MYO1H: variants seen among roughly 807,000 people sequenced by gnomAD.
MYO1H encodes the protein unconventional myosin-Ih.
A neutral mutation model predicts 149.3 loss-of-function variants in MYO1H; 118 were observed. That is an observed-to-expected ratio of 0.79 (90% CI 0.68 to 0.92). MYO1H has a LOEUF of 0.92. Ranked by LOEUF, MYO1H falls within the 40% of genes least tolerant of loss-of-function variation. The pLI is 0.00. For synonymous variants in MYO1H, 447 were observed against 465.2 expected (o/e 0.96, Z 0.50); for missense variants, 1,212 against 1,280.7 (o/e 0.95, Z 0.82).
chr12:109,424,990 G>GCACTTTGGGAGCCTCACATCTGA (rs1871304693), intron 17 of MYO1H, among the ~76,000 whole-genome samples, 162 bp downstream of exon 17: 1 of 151,952 alleles, frequency 6.6e-6, no homozygotes, highest in East Asian at 1.9e-4. Context: ...TGTAATCCCA[G>GCACTTTGGGAGCCTCACATCTGA]CACTTTGGGA....
At chr12:109,362,734 A>G (rs990342037) in intron 1 of MYO1H, among the ~76,000 whole-genome samples, 19 of 152,192 alleles carry the variant, frequency 1.2e-4, no homozygotes, top group Non-Finnish European at 5.9e-5. Context: ...TCTTGTATGT[A>G]TACTAATACA....
chr12:109,389,473 A>G (rs1174985963), intron 2 of MYO1H, among the ~76,000 whole-genome samples: 1 of 152,166 alleles, frequency 6.6e-6, no homozygotes, highest in Admixed American at 6.5e-5. Context: ...AGGGTTCCCC[A>G]AAGGACTCTG....
intron 1 of MYO1H, among the ~76,000 whole-genome samples, chr12:109,362,063 G>A (rs191680755): frequency 6.7e-6 from 1 of 149,968 alleles, no homozygotes; most frequent in African/African-American, 2.4e-5. Context: ...ATTGCCTTCT[G>A]TTTAAGTTTG....
Position 109,427,899 on chromosome 12 carries a change from A to ATATATATATATAT in MYO1H, c.1949+313_1949+314insTATATATATATAT, listed in dbSNP as rs1566038875. Among the ~76,000 whole-genome samples the ATATATATATATAT allele has an allele frequency of 5.1e-4, 26 of 51,416 alleles. 2 individuals carry two copies. Among genetic ancestry groups the ATATATATATATAT allele is most frequent in the African/African-American group, 1.9e-3 (25 of 13,194 alleles). The allele number at this position is 51,416 out of a possible 152,430, so 33.7% of individuals were successfully genotyped here. ...ATCTCTACAAAAAAAAAAAAAAAAA[A>ATATATATATATAT]AAAAAAAAAAATATATATATATATA... On this transcript the variant is annotated intron_variant, in intron 19 of 31. Coordinates refer to ENST00000310903, the Ensembl canonical transcript of MYO1H.
At chr12:109,435,439 TGCG>T in intron 21 of MYO1H, among the ~76,000 whole-genome samples, 1 of 152,242 alleles carries the variant, frequency 6.6e-6, no homozygotes, top group East Asian at 1.9e-4. Context: ...TTCACTTGTC[TGCG>T]TGTCTGATGT....
At chr12:109,390,096 C>T (rs1021579600) in intron 2 of MYO1H, among the ~76,000 whole-genome samples, 4 of 152,126 alleles carry the variant, frequency 2.6e-5, no homozygotes, top group African/African-American at 7.2e-5. Flanking sequence ...TGTCTTCCAC[C>T]CTGAATTTCT....
chr12:109,396,396 C>T lies in MYO1H; in HGVS notation c.303C>T (p.Ala101=), dbSNP rs377738900. Residue 101 remains alanine, a synonymous_variant, in exon 4 of 32, where the codon GCC becomes GCT. Coordinates refer to ENST00000310903, the Ensembl canonical transcript of MYO1H. ...ACTCCTCCTCCAGCTACGCTATAGC[C>T]GACAACGCTTACCGAATGATGTGTG... 9.9e-6 allele frequency: 16 copies of T among 1,609,568 alleles called. No homozygotes were observed. The East Asian group carries it at 1.6e-4, about 16-fold the overall frequency.
intron 12 of MYO1H, 107 bp downstream of exon 12, chr12:109,410,175 T>A: frequency 1.8e-6 from 1 of 552,598 alleles, no homozygotes; most frequent in Admixed American, 4.1e-5. Context: ...AAGATCTCAC[T>A]CTGTCGCCCA....
chr12:109,403,906 A>G, intron 6 of MYO1H, 76 bp from the exon 7 acceptor site: 1 of 971,714 alleles, frequency 1.0e-6, no homozygotes, highest in South Asian at 1.4e-5. Context: ...TAGCTTTTGC[A>G]TCTTCAGAGA....
intron 25 of MYO1H, 53 bp downstream of exon 25, chr12:109,440,880 G>A: frequency 1.6e-6 from 2 of 1,285,438 alleles, no homozygotes; most frequent in South Asian, 2.6e-5. Context: ...GTAAGAGTGG[G>A]TCCTGAGTGT....
upstream of MYO1H, among the ~76,000 whole-genome samples, chr12:109,344,557 C>T (rs2048096528): frequency 6.6e-6 from 1 of 152,180 alleles, no homozygotes; most frequent in Admixed American, 6.5e-5. Context: ...TGTCAATACT[C>T]CCCAAATTGA....
At position 109,427,559 on chromosome 12, in the gene MYO1H, G is replaced by A. The variant is rs377127092; in HGVS notation, c.1922G>A (p.Arg641Gln). The change falls in exon 19 of 32, where the codon CGA (arginine) becomes CAA (glutamine). Residue 641 changes from arginine to glutamine, a missense_variant. Transcript: ENST00000310903. ...GTGAGACGGGCTGGTTTTGCATACC[G>A]AAGGAAATACGAGCATTTCTTGCAA... 25 of 1,612,180 alleles carry A rather than the reference G, an allele frequency of 1.6e-5. No individual in the cohort carries two copies. The African/African-American group carries it at 2.1e-4, about 14-fold the overall frequency.
intron 14 of MYO1H, among the ~76,000 whole-genome samples, chr12:109,412,980 G>GTTGTTGTTGTTGTTA (rs1555253016): frequency 2.1e-5 from 3 of 144,592 alleles, no homozygotes; most frequent in African/African-American, 8.5e-5. Context: ...TGTTGTTGTT[G>GTTGTTGTTGTTGTTA]TTATTATTAT....
chr12:109,444,133 C>T (rs1872371714), intron 28 of MYO1H, 80 bp from the exon 29 acceptor site: 1 of 1,059,444 alleles, frequency 9.4e-7, no homozygotes, highest in African/African-American at 1.6e-5. Context: ...TGTTGGGCAG[C>T]CCCTGGGCGT....
rs779265462 is a variant in MYO1H at position 109,441,688 on chromosome 12, C to G, written c.2612C>G (p.Pro871Arg). ...GGCTACACAGAAAGTTTAAATCAAC[C>G]CTTTGTCAACAGTCGGATAGGTAAG... Residue 871 changes from proline to arginine, a missense_variant, in exon 26 of 32, where the codon CCC (proline) becomes CGC (arginine). Transcript: ENST00000310903. 3 of 1,611,724 alleles carry G rather than the reference C, an allele frequency of 1.9e-6. No individual in the cohort carries two copies. The East Asian group carries it at 6.7e-5, about 36-fold the overall frequency.
At position 109,409,246 on chromosome 12, in the gene MYO1H, C is replaced by CT. The variant is rs66507410; in HGVS notation, c.1156-283dup. Among the ~76,000 whole-genome samples the CT allele has an allele frequency of 2.3e-3, 109 of 47,852 alleles. 1 individual carries two copies. The highest frequency in any genetic ancestry group is 0.013 in the Middle Eastern group (1 of 80). 31.4% of individuals were successfully genotyped at this position (47,852 alleles called of 152,430 possible). A position where few individuals can be genotyped will look rare whatever the true frequency, so the allele number is the denominator to read the frequency against. On this transcript the variant is annotated intron_variant, in intron 10 of 31. Coordinates refer to ENST00000310903, the Ensembl canonical transcript of MYO1H. ...TCTTTTTCTTCTTCTTCTTCTTCTT[C>CT]TTTTTTTTTTTTTTTTTTTTTTTTT... is the stretch of plus-strand genomic sequence containing the variant.
At chr12:109,428,623 AT>A (rs1871482488) in intron 19 of MYO1H, among the ~76,000 whole-genome samples, 1 of 152,154 alleles carries the variant, frequency 6.6e-6, no homozygotes, top group Non-Finnish European at 1.5e-5. Flanking sequence ...AATAGCAGAA[AT>A]TTCATGTGGT....
At chr12:109,319,616 T>C in the MYO1H span, among the ~76,000 whole-genome samples, 2 of 152,054 alleles carry the variant, frequency 1.3e-5, no homozygotes, top group Non-Finnish European at 2.9e-5. Context: ...AGGAAATGAG[T>C]ATAACAATTA....
intron 1 of MYO1H, chr12:109,357,370 A>G (rs1025474800): frequency 6.6e-6 from 1 of 152,232 alleles, no homozygotes; most frequent in South Asian, 2.1e-4. Context: ...TTGAAATTCC[A>G]CTTTGCTTCT....
Sources: gnomAD v4.1 joint callset for allele counts (sites outside exome capture counted in the v4.1 genomes callset) on GRCh38, gnomAD v4.1.1 for gene constraint, MANE v1.5 for transcripts, NCBI Gene and HGNC (gene_info 2026-07-23, HGNC 2026-07-21) for gene names.